Variants in PPFIBP1 observed in about 807,000 individuals in gnomAD.
PPFIBP1 encodes liprin-beta-1.
Under a neutral mutation model 137.8 loss-of-function variants are expected in PPFIBP1, and 112 were observed. The observed-to-expected ratio is 0.81, with a 90% CI of 0.70 to 0.95. The LOEUF is 0.95. PPFIBP1 is among the 40% of genes least tolerant of loss of function. The pLI is 0.00. For missense variants in PPFIBP1, 1,083 were observed against 1,196.6 expected, an observed-to-expected ratio of 0.91 and a Z score of 1.40; for synonymous variants, 378 against 417.3, an observed-to-expected ratio of 0.91 and a Z score of 1.15.
rs1284349164 is a variant in PPFIBP1, at chr12:27,676,292, GTGATCAA to G, written c.1411-133_1411-127del. ...ACTTCTGATAAGGCATTTGACATTGGTGATCAATGTATTAGTTCAGTTATTCTTTTGA... is the reference window on the plus strand; with the variant it reads ...ACTTCTGATAAGGCATTTGACATTGGTGTATTAGTTCAGTTATTCTTTTGA... On this transcript the variant is annotated intron_variant, in intron 17 of 29. Transcript: ENST00000228425. The G allele has an allele frequency of 6.8e-6, 4 of 587,756 alleles. No individual in the cohort carries two copies. In the Middle Eastern group the frequency reaches 1.5e-3, roughly 226 times the overall value. 36.4% of individuals were successfully genotyped at this position (587,756 alleles called of 1,614,324 possible).
chr12:27,570,107 C>T (rs1431736814), intron 1 of PPFIBP1, among the ~76,000 whole-genome samples: 6 of 152,150 alleles, frequency 3.9e-5, no homozygotes, highest in Non-Finnish European at 8.8e-5. Flanking sequence ...AATGGTAACT[C>T]ATGGCTGTTT....
intron 24 of PPFIBP1, among the ~76,000 whole-genome samples, chr12:27,685,240 T>C (rs1407593298): frequency 6.6e-6 from 1 of 151,438 alleles, no homozygotes; most frequent in African/African-American, 2.4e-5. Flanking sequence ...TACACACACA[T>C]ACACATATAT....
Position 27,681,530 on chromosome 12 carries a change from A to G in PPFIBP1, c.1896-16A>G, listed in dbSNP as rs1428745614. ...GCTTTGGATTATTTTTCATGCAATT[A>G]CTCATTTTCCTGTAGTGACTTGGAT... On this transcript the variant is annotated splice_polypyrimidine_tract_variant and intron_variant, in intron 21 of 29. Coordinates refer to ENST00000228425, the MANE Select transcript of PPFIBP1 (RefSeq NM_003622.4). 5 of 1,610,714 alleles carry G rather than the reference A, an allele frequency of 3.1e-6. No homozygotes were observed. In the African/African-American group the frequency reaches 6.7e-5, roughly 22 times the overall value.
Position 27,557,819 on chromosome 12 carries a change from T to G in PPFIBP1, c.-123-20333T>G, listed in dbSNP as rs185729759. 1.2e-4 allele frequency among the ~76,000 whole-genome samples: 19 copies of G among 152,362 alleles called. No homozygotes were observed. The East Asian group carries it at 3.5e-3, about 28-fold the overall frequency. ...TTATATGAAAAATGAGTGATGCAGA[T>G]GTATTGGGGACAAACCTGGAATTAC... On this transcript the variant is annotated intron_variant, in intron 1 of 29. Transcript: ENST00000228425.
At chr12:27,692,020 T>G in intron 28 of PPFIBP1, 92 bp downstream of exon 28, 1 of 1,103,106 alleles carries the variant, frequency 9.1e-7, no homozygotes, top group Non-Finnish European at 1.3e-6. Context: ...CAAGGACATT[T>G]TCTTCAAATA....
chr12:27,635,272 G>T, intron 4 of PPFIBP1, 157 bp downstream of exon 4: 1 of 720,356 alleles, frequency 1.4e-6, no homozygotes, highest in Admixed American at 2.8e-5. Context: ...TGACTCTAAG[G>T]ATAACTTTTT....
At chr12:27,557,538 A>G (rs989683144) in intron 1 of PPFIBP1, among the ~76,000 whole-genome samples, 1 of 152,114 alleles carries the variant, frequency 6.6e-6, no homozygotes, top group Admixed American at 6.6e-5. Flanking sequence ...CGGCTACATC[A>G]TGGTAACAAT....
intron 1 of PPFIBP1, among the ~76,000 whole-genome samples, chr12:27,543,917 G>A (rs1945944640): frequency 9.1e-6 from 1 of 109,828 alleles, no homozygotes; most frequent in African/African-American, 3.6e-5. Context: ...GTCTCACTCT[G>A]TTGTCCAGGC....
In PPFIBP1 at chr12:27,563,995, C is replaced by T. The variant is rs2049415303; in HGVS notation, c.-123-14157C>T. Among the ~76,000 whole-genome samples, 4 of 152,098 alleles carry T rather than the reference C, an allele frequency of 2.6e-5. No individual in the cohort carries two copies. The South Asian group carries it at 8.3e-4, about 32-fold the overall frequency. On this transcript the variant is annotated intron_variant, in intron 1 of 29. Coordinates refer to ENST00000228425, the MANE Select transcript of PPFIBP1 (RefSeq NM_003622.4). ...TCAAGCGATTCTCCTGCCTTAGCCT[C>T]CTGAGTAGCTGGGACTACAGGTGCG... is the stretch of plus-strand genomic sequence containing the variant.
chr12:27,541,315 C>T (rs560199508), intron 1 of PPFIBP1, among the ~76,000 whole-genome samples: 10 of 151,704 alleles, frequency 6.6e-5, no homozygotes, highest in African/African-American at 1.7e-4. Flanking sequence ...GTTTTTGGGC[C>T]GAGGGTTGTT....
intron 6 of PPFIBP1, 109 bp from the exon 7 acceptor site, chr12:27,649,901 C>A: frequency 9.9e-7 from 1 of 1,014,674 alleles, no homozygotes; most frequent in Non-Finnish European, 1.4e-6. Flanking sequence ...TTATACTTCA[C>A]TATATCCTCT....
At chr12:27,688,222 C>T in intron 25 of PPFIBP1, 76 bp from the exon 26 acceptor site, 1 of 1,488,922 alleles carries the variant, frequency 6.7e-7, no homozygotes. Context: ...TGTTGAGTAA[C>T]TGTACTCCAT....
chr12:27,674,531 G>A (rs1251688668), intron 17 of PPFIBP1, among the ~76,000 whole-genome samples: 1 of 152,124 alleles, frequency 6.6e-6, no homozygotes, highest in African/African-American at 2.4e-5. Flanking sequence ...TAGAGGTGGT[G>A]GTTGCACAAC....
chr12:27,676,659 C>G (rs763889170), intron 18 of PPFIBP1, 60 bp downstream of exon 18: 8 of 1,309,624 alleles, frequency 6.1e-6, no homozygotes, highest in Non-Finnish European at 8.5e-6. Context: ...AGAGCAGTGT[C>G]TTCCCTTCCC....
At chr12:27,578,919 G>T (rs1175147212) in intron 2 of PPFIBP1, among the ~76,000 whole-genome samples, 2 of 152,330 alleles carry the variant, frequency 1.3e-5, no homozygotes, top group South Asian at 2.1e-4. Context: ...GGTAAGGAGC[G>T]TGCTGACAGT....
chr12:27,596,106 A>G (rs2053268484), intron 2 of PPFIBP1, among the ~76,000 whole-genome samples: 1 of 147,102 alleles, frequency 6.8e-6, no homozygotes, highest in South Asian at 2.2e-4. Flanking sequence ...ACACACACAC[A>G]CATATGCTTA....
At chr12:27,672,508 A>T in intron 15 of PPFIBP1, 25 bp downstream of exon 15, 1 of 1,540,594 alleles carries the variant, frequency 6.5e-7, no homozygotes, top group South Asian at 1.1e-5. Flanking sequence ...ATTGAATGTG[A>T]AAAATGTGAT....
At chr12:27,605,801 T>C (rs749216502) in intron 2 of PPFIBP1, among the ~76,000 whole-genome samples, 3 of 152,300 alleles carry the variant, frequency 2.0e-5, no homozygotes, top group Middle Eastern at 3.4e-3. Flanking sequence ...GTGTATACAG[T>C]ATATCAATTT....
In PPFIBP1 at chr12:27,693,000, C is replaced by T. The variant is rs1186285166; in HGVS notation, c.*118C>T. 2.8e-6 allele frequency: 4 copies of T among 1,435,602 alleles called. No individual in the cohort carries two copies. Among genetic ancestry groups the T allele is most frequent in the Non-Finnish European group, 3.7e-6 (4 of 1,090,928 alleles). 88.9% of individuals were successfully genotyped at this position (1,435,602 alleles called of 1,614,324 possible). On this transcript the variant is annotated 3_prime_UTR_variant, in exon 30 of 30. Coordinates refer to ENST00000228425, the MANE Select transcript of PPFIBP1 (RefSeq NM_003622.4). ...CTATTGTTTGTTGTTCCAACTTCTG[C>T]TGTCGAGAAGTTTAAACAGAAAGCA...
Sources: gnomAD v4.1 joint callset for allele counts (sites outside exome capture counted in the v4.1 genomes callset) on GRCh38, gnomAD v4.1.1 for gene constraint, MANE v1.5 for transcripts, NCBI Gene and HGNC (gene_info 2026-07-23, HGNC 2026-07-21) for gene names.